The following AKAP12 variants were observed in gnomAD, a reference collection of about 807,000 sequenced individuals.
AKAP12 encodes the protein A-kinase anchoring protein 12.
In AKAP12, 32 loss-of-function variants were observed where a neutral mutation model predicts 79.9. The observed-to-expected ratio is 0.40, with a 90% confidence interval of 0.30 to 0.54. The LOEUF is 0.54. Ranked by LOEUF, AKAP12 falls within the 20% of genes least tolerant of loss-of-function variation. The probability of loss-of-function intolerance (pLI) is 0.48; values close to 1 mark genes in which losing one functional copy is unlikely to be tolerated. For missense variants in AKAP12, 2,074 were observed against 2,177.0 expected (o/e 0.95, Z 0.94); for synonymous variants, 808 against 857.0 (o/e 0.94, Z 1.00).
chr6:151,312,793 C>CAAAAAAAAAAAAAAAAAAAAAAAAAAAAA (rs55685824), intron 3 of AKAP12, among the ~76,000 whole-genome samples: 3 of 72,998 alleles, frequency 4.1e-5, no homozygotes, highest in South Asian at 5.7e-4. Flanking sequence ...ACTCTGTCTC[C>CAAAAAAAAAAAAAAAAAAAAAAAAAAAAA]AAAAAAAAAA....
rs189169801 is a variant in AKAP12 at position 151,348,537 on chromosome 6, G to A, written c.320-174G>A. On this transcript the variant is annotated intron_variant, in intron 3 of 4. Coordinates refer to ENST00000402676, the MANE Select transcript of AKAP12 (RefSeq NM_005100.4). Reference sequence around the variant, plus strand: ...GCCTGTAGTCCCAGCTACTCGGGATGCTGAGGTGGGAGGATTCCTTGAGCC... The same window carrying A: ...GCCTGTAGTCCCAGCTACTCGGGATACTGAGGTGGGAGGATTCCTTGAGCC... 1.6e-3 allele frequency among the ~76,000 whole-genome samples: 249 copies of A among 152,224 alleles called. 1 individual carries two copies. Among genetic ancestry groups the A allele is most frequent in the South Asian group, 1.2e-3 (6 of 4,830 alleles).
chr6:151,272,873 A>G (rs1352468416), intron 2 of AKAP12, among the ~76,000 whole-genome samples: 4 of 151,982 alleles, frequency 2.6e-5, no homozygotes, highest in Non-Finnish European at 2.9e-5. Context: ...CAGTTGTCTT[A>G]TGTAGTGGAT....
At chr6:151,248,309 C>T (rs1379751832) in intron 2 of AKAP12, among the ~76,000 whole-genome samples, 1 of 143,424 alleles carries the variant, frequency 7.0e-6, no homozygotes, top group African/African-American at 2.6e-5. Context: ...CACTGTGTTT[C>T]CCAGGCTAGT....
At chr6:151,241,362 C>T (rs1211205203) in intron 2 of AKAP12, among the ~76,000 whole-genome samples, 1 of 152,230 alleles carries the variant, frequency 6.6e-6, no homozygotes, top group African/African-American at 2.4e-5. Flanking sequence ...GCTGCGTTTC[C>T]AGAAGGAATG....
chr6:151,318,633 G>A (rs993372416), intron 3 of AKAP12, among the ~76,000 whole-genome samples: 4 of 152,054 alleles, frequency 2.6e-5, no homozygotes, highest in East Asian at 1.9e-4. Flanking sequence ...GAGCTCTTTC[G>A]GTCTAGAAAC....
At chr6:151,348,046 G>A (rs574152762) in intron 3 of AKAP12, among the ~76,000 whole-genome samples, 56 of 152,108 alleles carry the variant, frequency 3.7e-4, no homozygotes, top group African/African-American at 1.3e-3. Flanking sequence ...CTCCCTACTC[G>A]GGAGGCTGAG....
intron 2 of AKAP12, among the ~76,000 whole-genome samples, chr6:151,241,657 G>A (rs1796979321): frequency 6.6e-6 from 1 of 152,102 alleles, no homozygotes; most frequent in Non-Finnish European, 1.5e-5. Context: ...GTGTTCATTA[G>A]CAAGGCTTCA....
intron 3 of AKAP12, among the ~76,000 whole-genome samples, chr6:151,313,194 C>A (rs546079633): frequency 6.6e-6 from 1 of 152,260 alleles, no homozygotes; most frequent in South Asian, 2.1e-4. Flanking sequence ...GTTGGTTAGC[C>A]AGGTGTTGCC....
At chr6:151,262,842 C>T (rs7382659) in intron 2 of AKAP12, among the ~76,000 whole-genome samples, 23,262 of 152,074 alleles carry the variant, frequency 0.15, 2,248 homozygotes, top group Admixed American at 0.31. Context: ...CAGTGAAGAC[C>T]ATCTCACAGG....
intron 2 of AKAP12, among the ~76,000 whole-genome samples, chr6:151,252,944 C>A (rs1353153060): frequency 6.6e-6 from 1 of 152,148 alleles, no homozygotes; most frequent in Non-Finnish European, 1.5e-5. Context: ...GCGTGTCTTT[C>A]CCTCCAGAGA....
intron 2 of AKAP12, among the ~76,000 whole-genome samples, chr6:151,284,198 G>A (rs569668295): frequency 6.6e-6 from 1 of 152,250 alleles, no homozygotes; most frequent in African/African-American, 2.4e-5. Flanking sequence ...ACTTCTGTCT[G>A]CACAGATCAG....
chr6:151,313,480 T>C (rs1218150956), intron 3 of AKAP12, among the ~76,000 whole-genome samples: 1 of 152,264 alleles, frequency 6.6e-6, no homozygotes, highest in Non-Finnish European at 1.5e-5. Flanking sequence ...ATTCTCCTGC[T>C]CTGCAGCAAT....
Position 151,240,685 on chromosome 6 carries a change from C to T in AKAP12, c.123C>T (p.Thr41=). ...CGGCCGAGGCGGCGCCAGACACCAC[C>T]GCGGACCCCGCCATCGCTGCCTCGG... ...GPSAEAAPDT[T]ADPAIAASDP... Residue 41 remains threonine (T), a synonymous_variant, in exon 2 of 5, where the codon ACC becomes ACT. Coordinates refer to ENST00000402676, the MANE Select transcript of AKAP12 (RefSeq NM_005100.4). The T allele has an allele frequency of 7.8e-7, 1 of 1,287,176 alleles. No individual in the cohort carries two copies. The highest frequency in any genetic ancestry group is 9.8e-7 in the Non-Finnish European group (1 of 1,019,702). The allele number at this position is 1,287,176 out of a possible 1,614,324, so 79.7% of individuals were successfully genotyped here.
intron 3 of AKAP12, among the ~76,000 whole-genome samples, chr6:151,317,464 A>G (rs2096003520): frequency 6.6e-6 from 1 of 152,238 alleles, no homozygotes; most frequent in African/African-American, 2.4e-5. Flanking sequence ...ACATTAAAAG[A>G]AAAACTCCAG....
Position 151,245,998 on chromosome 6 carries a change from T to A in AKAP12, c.162+5274T>A, listed in dbSNP as rs111538626. Among the ~76,000 whole-genome samples the A allele has an allele frequency of 2.7e-3, 406 of 152,362 alleles. 2 individuals carry two copies. The highest frequency in any genetic ancestry group is 8.7e-3 in the African/African-American group (360 of 41,586). On this transcript the variant is annotated intron_variant, in intron 2 of 4. Coordinates refer to ENST00000402676, the MANE Select transcript of AKAP12 (RefSeq NM_005100.4). ...AATAACTGCCCCCATTCTTATTAAT[T>A]TGGGTGCATAAATTTCCCTTTTGTG...
intron 2 of AKAP12, among the ~76,000 whole-genome samples, chr6:151,266,366 C>T (rs993068925): frequency 6.6e-6 from 1 of 151,978 alleles, no homozygotes; most frequent in Non-Finnish European, 1.5e-5. Flanking sequence ...AGATATGGTG[C>T]CAGCATTTTG....
chr6:151,290,448 A>C (rs1283937054), intron 2 of AKAP12, among the ~76,000 whole-genome samples: 1 of 152,038 alleles, frequency 6.6e-6, no homozygotes, highest in African/African-American at 2.4e-5. Context: ...TTAGACATCC[A>C]TGCCACTGGG....
chr6:151,289,948 A>C (rs928003346), intron 2 of AKAP12, among the ~76,000 whole-genome samples: 1 of 152,140 alleles, frequency 6.6e-6, no homozygotes, highest in Admixed American at 6.5e-5. Context: ...GGGTAACATG[A>C]TGACTAGCAT....
Position 151,240,640 on chromosome 6 carries a change from GC to G in AKAP12, c.81del (p.Ser28AlafsTer41). 7.4e-7 allele frequency: 1 copy of G among 1,347,694 alleles called. No individual in the cohort carries two copies. Among genetic ancestry groups the G allele is most frequent in the Non-Finnish European group, 9.5e-7 (1 of 1,053,656 alleles). 83.5% of individuals were successfully genotyped at this position (1,347,694 alleles called of 1,614,324 possible). A position where few individuals can be genotyped will look rare whatever the true frequency, so the allele number is the denominator to read the frequency against. ...EGSSTPAEPE[P>X]SGGGPSAEAA... ...GGAGCTCCACGCCGGCTGAGCCCGA[GC>G]CCAGCGGCGGCGGCCCCTCGGCCGA... On this transcript the variant is annotated frameshift_variant, in exon 2 of 5. Coordinates refer to ENST00000402676, the MANE Select transcript of AKAP12 (RefSeq NM_005100.4). LOFTEE classifies it high-confidence loss of function.
Sources: allele counts gnomAD v4.1 joint callset (sites outside exome capture counted in the v4.1 genomes callset), GRCh38; gene constraint gnomAD v4.1.1; transcripts MANE v1.5; gene names NCBI Gene and HGNC (gene_info 2026-07-23, HGNC 2026-07-21).